The following HDAC1 variants were observed in gnomAD, a reference collection of about 807,000 sequenced individuals.
The protein encoded by HDAC1 is protein deacetylase HDAC1.
HDAC1 carries 18 observed loss-of-function variants against 65.5 expected under a neutral mutation model. The observed-to-expected ratio is 0.27, with a 90% CI of 0.19 to 0.41. HDAC1 has a LOEUF of 0.41. HDAC1 is among the 10% of genes least tolerant of loss of function. The pLI, the probability that HDAC1 is intolerant of heterozygous loss-of-function variation, is 1.00. For missense variants in HDAC1, 373 were observed against 625.2 expected, an observed-to-expected ratio of 0.60 and a Z score of 4.30; for synonymous variants, 211 against 227.9, an observed-to-expected ratio of 0.93 and a Z score of 0.67.
rs752320800 is a variant in HDAC1 at position 32,332,201 on chromosome 1, A to G, written c.1331A>G (p.Lys444Arg). The G allele has an allele frequency of 2.8e-5, 45 of 1,613,570 alleles. 2 individuals carry two copies. The South Asian group carries it at 4.6e-4, about 17-fold the overall frequency. Residue 444 changes from lysine to arginine, a missense_variant, in exon 12 of 14, where the codon AAA becomes AGA. Physicochemically the swap from Lys to Arg is conservative, Grantham distance 26. Transcript: ENST00000373548. ...AACTTCAAAAAAGCCAAGAGAGTCA[A>G]AACAGAGGATGAAAAAGAGAAAGAC... is the stretch of plus-strand genomic sequence containing the variant. ...SSNFKKAKRV[K>R]TEDEKEKDPE...
chr1:32,292,234 G>C lies in HDAC1; in HGVS notation c.49+16G>C. 6.5e-7 allele frequency: 1 copy of C among 1,548,104 alleles called. No homozygotes were observed. The highest frequency in any genetic ancestry group is 1.2e-5 in the South Asian group (1 of 83,950). On this transcript the variant is annotated intron_variant, in intron 1 of 13. Transcript: ENST00000373548. ...TACTACGACGGTGAGCACCGTCCTC[G>C]CGGCGGGGGCGGGGCCAGGCCGGGC...
rs1641295948 is a variant in HDAC1 at position 32,331,813 on chromosome 1, C to A, written c.1219+7C>A. 1.9e-6 allele frequency: 3 copies of A among 1,605,404 alleles called. No individual in the cohort carries two copies. Among genetic ancestry groups the A allele is most frequent in the Non-Finnish European group, 2.6e-6 (3 of 1,175,520 alleles). On this transcript the variant is annotated splice_region_variant and intron_variant, in intron 11 of 13. Coordinates refer to ENST00000373548, the MANE Select transcript of HDAC1 (RefSeq NM_004964.3). The surrounding 1 kb of genome is among the most constrained non-coding windows in gnomAD (Gnocchi z 4.2). ...CCTGACAAGCGCATCTCGAGTGAGA[C>A]CCAGACCTAGAGCCCTATGCCTTCC...
Position 32,332,238 on chromosome 1 carries a change from G to C in HDAC1, c.1368G>C (p.Lys456Asn). The change falls in exon 12 of 14, where the codon AAG becomes AAC. Residue 456 changes from lysine (K) to asparagine (N), a missense_variant. Coordinates refer to ENST00000373548, the MANE Select transcript of HDAC1 (RefSeq NM_004964.3). ...AAAAAGAGAAAGACCCAGAGGAGAA[G>C]AAAGGTGGGTTTGGGTTCAGCTGGG... Reference protein sequence around the residue: ...EDEKEKDPEEKKEVTEEEKTK... With the variant: ...EDEKEKDPEENKEVTEEEKTK... 1 of 1,610,596 alleles carries C rather than the reference G, an allele frequency of 6.2e-7. No individual in the cohort carries two copies.
chr1:32,296,704 T>C (rs1640771187), intron 1 of HDAC1, among the ~76,000 whole-genome samples: 1 of 152,024 alleles, frequency 6.6e-6, no homozygotes, highest in Non-Finnish European at 1.5e-5. Context: ...AAGGGAAGCT[T>C]GTGTGAGGTA....
Position 32,330,944 on chromosome 1 carries a change from T to C in HDAC1, c.979+36T>C. 1 of 1,611,714 alleles carries C rather than the reference T, an allele frequency of 6.2e-7. No homozygotes were observed. The highest frequency in any genetic ancestry group is 2.2e-5 in the East Asian group (1 of 44,870). ...CAGGGCCAGGTTCGGCTGGGCTGGG[T>C]GGGAGCTGGAGCTCATCTGTCCTTA... On this transcript the variant is annotated intron_variant, in intron 9 of 13. Coordinates refer to ENST00000373548, the MANE Select transcript of HDAC1 (RefSeq NM_004964.3). This position sits in a 1 kb window ranked among gnomAD's most constrained non-coding sequence, Gnocchi z 4.2.
chr1:32,307,641 T>C (rs1640929516), intron 2 of HDAC1, among the ~76,000 whole-genome samples: 1 of 152,216 alleles, frequency 6.6e-6, no homozygotes, highest in African/African-American at 2.4e-5. Flanking sequence ...ATTGCTTGTT[T>C]CTGGCATTTT....
chr1:32,326,808 A>G lies in HDAC1; in HGVS notation c.356-131A>G, dbSNP rs1174114596. 1.2e-5 allele frequency: 10 copies of G among 843,806 alleles called. No individual in the cohort carries two copies. The East Asian group carries it at 2.5e-4, about 21-fold the overall frequency. 52.3% of individuals were successfully genotyped at this position (843,806 alleles called of 1,614,324 possible). On this transcript the variant is annotated intron_variant, in intron 4 of 13. Coordinates refer to ENST00000373548, the MANE Select transcript of HDAC1 (RefSeq NM_004964.3). ...GCTGAAGTAGGGTGGGAGGGAGGGG[A>G]CTGGTCTATGAATTGCACAATACAG...
In HDAC1 at chr1:32,327,488, T is replaced by C; in HGVS notation, c.495-48T>C. 2 of 1,450,752 alleles carry C rather than the reference T, an allele frequency of 1.4e-6. No individual in the cohort carries two copies. Among genetic ancestry groups the C allele is most frequent in the Non-Finnish European group, 1.9e-6 (2 of 1,034,890 alleles). The allele number at this position is 1,450,752 out of a possible 1,614,324, so 89.9% of individuals were successfully genotyped here. On this transcript the variant is annotated intron_variant, in intron 5 of 13. Coordinates refer to ENST00000373548, the MANE Select transcript of HDAC1 (RefSeq NM_004964.3). The surrounding 1 kb of genome is among the most constrained non-coding windows in gnomAD (Gnocchi z 6.0). ...GCTGGGAGCTAGCGCCCTTGGCACGTCCCATCCCCAAAGAGCCCCCAGACC... is the reference window on the plus strand; with the variant it reads ...GCTGGGAGCTAGCGCCCTTGGCACGCCCCATCCCCAAAGAGCCCCCAGACC...
At chr1:32,317,725 G>A (rs998398958) in intron 3 of HDAC1, among the ~76,000 whole-genome samples, 1 of 152,078 alleles carries the variant, frequency 6.6e-6, no homozygotes, top group African/African-American at 2.4e-5. Context: ...CTGTGAGTGA[G>A]GTGTTTGCTC....
intron 1 of HDAC1, among the ~76,000 whole-genome samples, chr1:32,297,777 ATTTTTTT>A (rs71571709): frequency 4.3e-4 from 31 of 72,144 alleles, no homozygotes; most frequent in South Asian, 1.8e-3. Flanking sequence ...CGCCTGGCTA[ATTTTTTT>A]TTTTTTTTTT....
chr1:32,332,142 AGAG>A lies in HDAC1; in HGVS notation c.1277_1279del (p.Glu426del). The A allele has an allele frequency of 1.2e-6, 2 of 1,613,074 alleles. No individual in the cohort carries two copies. ...GTGAGGAAGAGTTCTCCGATTCTGA[AGAG>A]GAGGGAGAGGGGGGCCGCAAGAACT... On this transcript the variant is annotated inframe_deletion, in exon 12 of 14. Transcript: ENST00000373548.
chr1:32,306,758 AG>A (rs1640916369), intron 2 of HDAC1, among the ~76,000 whole-genome samples: 1 of 152,046 alleles, frequency 6.6e-6, no homozygotes, highest in Non-Finnish European at 1.5e-5. Context: ...CTCTTATCTG[AG>A]GGGGGATACT....
Position 32,333,191 on chromosome 1 carries a change from C to G in HDAC1, c.*147C>G. The G allele has an allele frequency of 1.6e-6, 1 of 635,620 alleles. No homozygotes were observed. The highest frequency in any genetic ancestry group is 2.6e-6 in the Non-Finnish European group (1 of 385,164). The allele number at this position is 635,620 out of a possible 1,614,324, so 39.4% of individuals were successfully genotyped here. A position where few individuals can be genotyped will look rare whatever the true frequency, so the allele number is the denominator to read the frequency against. On this transcript the variant is annotated 3_prime_UTR_variant, in exon 14 of 14. Transcript: ENST00000373548. ...CAGGGACAGAAACCAAGGCCCCGAG[C>G]TCAGGGCAGCTGTGCTGGGTGAGCT...
chr1:32,299,900 C>CA (rs899329043), intron 1 of HDAC1, among the ~76,000 whole-genome samples: 15 of 151,798 alleles, frequency 9.9e-5, no homozygotes, highest in African/African-American at 2.9e-4. Context: ...ACTAAAAGTA[C>CA]AAAAAAAATT....
intron 13 of HDAC1, 51 bp downstream of exon 13, chr1:32,332,800 C>G (rs1398171540): frequency 6.8e-7 from 1 of 1,474,556 alleles, no homozygotes; most frequent in African/African-American, 1.4e-5. Flanking sequence ...AGCACCAGCC[C>G]CTTTGTCCCA....
intron 12 of HDAC1, 93 bp downstream of exon 12, chr1:32,332,335 A>C: frequency 8.3e-7 from 1 of 1,203,334 alleles, no homozygotes; most frequent in South Asian, 1.5e-5. Flanking sequence ...AGGCCCTGCC[A>C]GCTCCTGTGG....
At chr1:32,332,530 A>T (rs1034783549) in intron 12 of HDAC1, among the ~76,000 whole-genome samples, 171 bp from the exon 13 acceptor site, 1 of 152,122 alleles carries the variant, frequency 6.6e-6, no homozygotes. Context: ...AGGCTGGGAA[A>T]CCAGTCCAAC....
intron 2 of HDAC1, among the ~76,000 whole-genome samples, chr1:32,313,043 A>G (rs2148063282): frequency 6.6e-6 from 1 of 152,054 alleles, no homozygotes; most frequent in East Asian, 1.9e-4. Flanking sequence ...GAATCTGAAC[A>G]CATTCTGGCC....
chr1:32,332,690 T>A lies in HDAC1; in HGVS notation c.1373-11T>A. The A allele has an allele frequency of 6.4e-7, 1 of 1,553,126 alleles. No homozygotes were observed. Among genetic ancestry groups the A allele is most frequent in the East Asian group, 2.4e-5 (1 of 41,300 alleles). The stretch of plus-strand genomic sequence containing the variant: ...GCTGCCCTTGGCCATCCCTGTACTC[T>A]TGTGTTCTAGAAGTCACCGAAGAGG... On this transcript the variant is annotated splice_polypyrimidine_tract_variant and intron_variant, in intron 12 of 13. Coordinates refer to ENST00000373548, the MANE Select transcript of HDAC1 (RefSeq NM_004964.3).
Sources: gnomAD v4.1 joint callset for allele counts (sites outside exome capture counted in the v4.1 genomes callset) on GRCh38, gnomAD v4.1.1 for gene constraint, Gnocchi (gnomAD v3.1) non-coding constraint, MANE v1.5 for transcripts, NCBI Gene and HGNC (gene_info 2026-07-23, HGNC 2026-07-21) for gene names.